The following UNC80 variants were observed in gnomAD, a reference collection of about 807,000 sequenced individuals.
The protein encoded by UNC80 is protein unc-80 homolog.
Under a neutral mutation model 384.6 loss-of-function variants are expected in UNC80, and 164 were observed. That is an observed-to-expected ratio of 0.43 (90% CI 0.38 to 0.49). The LOEUF is 0.49. Among genes scored for constraint, UNC80 ranks in the 20% least tolerant of loss-of-function variants. The probability of loss-of-function intolerance (pLI) is 0.00; values close to 1 mark genes in which losing one functional copy is unlikely to be tolerated. For missense variants in UNC80, 3,330 were observed against 4,143.0 expected (o/e 0.80, Z 5.39); for synonymous variants, 1,486 against 1,527.8 (o/e 0.97, Z 0.64).
chr2:209,862,534 G>A (rs1438797376), intron 22 of UNC80, among the ~76,000 whole-genome samples: 3 of 151,892 alleles, frequency 2.0e-5, no homozygotes, highest in Non-Finnish European at 4.4e-5. Flanking sequence ...ATTTAGGATA[G>A]TTAGCTCTTC....
intron 27 of UNC80, among the ~76,000 whole-genome samples, chr2:209,894,905 C>T (rs2086663818): frequency 6.6e-6 from 1 of 152,110 alleles, no homozygotes; most frequent in Non-Finnish European, 1.5e-5. Flanking sequence ...ATTGTCTAGA[C>T]CTGACAATGA....
At chr2:209,840,114 T>C (rs2081627322) in intron 19 of UNC80, among the ~76,000 whole-genome samples, 1 of 152,178 alleles carries the variant, frequency 6.6e-6, no homozygotes, top group Non-Finnish European at 1.5e-5. Flanking sequence ...AAAACTTCAC[T>C]GCATGGAAAT....
chr2:209,852,379 A>G (rs1252658082), intron 22 of UNC80, among the ~76,000 whole-genome samples: 3 of 152,100 alleles, frequency 2.0e-5, no homozygotes, highest in Admixed American at 2.0e-4. Context: ...TAAAAGGCAT[A>G]GGTGATGATG....
chr2:209,844,803 A>G (rs761814843), intron 21 of UNC80, among the ~76,000 whole-genome samples: 1 of 151,504 alleles, frequency 6.6e-6, no homozygotes, highest in Admixed American at 6.6e-5. Context: ...GGATCTTGCT[A>G]TGTTGCCCAG....
At position 209,917,898 on chromosome 2, in the gene UNC80, C is replaced by CT; in HGVS notation, c.5152dup (p.Trp1718LeufsTer20). ...ACGCTGTCCTCAAGTTCCACACGCTCTGGAGGTTTCGCTATCAGGTCTGGC... is the reference window on the plus strand; with the variant it reads ...ACGCTGTCCTCAAGTTCCACACGCTCTTGGAGGTTTCGCTATCAGGTCTGGC... On this transcript the variant is annotated frameshift_variant, in exon 32 of 65. Coordinates refer to ENST00000673920, the MANE Select transcript of UNC80 (RefSeq NM_001371986.1). LOFTEE classifies it high-confidence loss of function. The CT allele has an allele frequency of 6.4e-7, 1 of 1,551,760 alleles. No homozygotes were observed. The highest frequency in any genetic ancestry group is 1.7e-4 in the Middle Eastern group (1 of 5,994).
At chr2:209,927,094 G>A (rs1229641892) in intron 36 of UNC80, 108 bp downstream of exon 36, 2 of 1,170,108 alleles carry the variant, frequency 1.7e-6, no homozygotes, top group African/African-American at 1.5e-5. Flanking sequence ...ATGTTGAACT[G>A]TTTTATGCAC....
intron 51 of UNC80, 134 bp downstream of exon 51, chr2:209,959,841 G>T: frequency 1.2e-6 from 1 of 801,210 alleles, no homozygotes; most frequent in Admixed American, 2.8e-5. Context: ...CGGTGACTTA[G>T]GTACACATCA....
intron 25 of UNC80, 97 bp from the exon 26 acceptor site, chr2:209,887,998 C>A: frequency 8.7e-7 from 1 of 1,151,940 alleles, no homozygotes; most frequent in Non-Finnish European, 1.2e-6. Flanking sequence ...TGTTTAAACG[C>A]AGTTGTGTAT....
chr2:209,976,396 A>G lies in UNC80; in HGVS notation c.8772+93A>G. The G allele has an allele frequency of 2.0e-6, 3 of 1,497,034 alleles. No individual in the cohort carries two copies. The highest frequency in any genetic ancestry group is 2.7e-6 in the Non-Finnish European group (3 of 1,105,108). 92.7% of individuals were successfully genotyped at this position (1,497,034 alleles called of 1,614,324 possible). A position where few individuals can be genotyped will look rare whatever the true frequency, so the allele number is the denominator to read the frequency against. On this transcript the variant is annotated intron_variant, in intron 57 of 64. Transcript: ENST00000673920. This position sits in a 1 kb window ranked among gnomAD's most constrained non-coding sequence, Gnocchi z 4.3. ...GGAATATGGCAGGAGTGCTCATGGT[A>G]CCTACTGTTGCCAGTTAGTAGGGCC... is the stretch of plus-strand genomic sequence containing the variant.
intron 56 of UNC80, among the ~76,000 whole-genome samples, chr2:209,973,972 T>TATCCTATGC (rs2092946392): frequency 6.6e-6 from 1 of 152,170 alleles, no homozygotes; most frequent in Non-Finnish European, 1.5e-5. Flanking sequence ...TATGCTGCCT[T>TATCCTATGC]TAACCTGGTC....
At chr2:209,888,951 T>A (rs2086084109) in intron 26 of UNC80, among the ~76,000 whole-genome samples, 1 of 152,168 alleles carries the variant, frequency 6.6e-6, no homozygotes, top group African/African-American at 2.4e-5. Context: ...GTAAATAGAA[T>A]CTCGTTTTAA....
chr2:209,900,274 T>G (rs1042143359), intron 28 of UNC80, among the ~76,000 whole-genome samples: 2 of 152,208 alleles, frequency 1.3e-5, no homozygotes, highest in African/African-American at 4.8e-5. Flanking sequence ...TGAGCAAGTC[T>G]GTTGGTGCTG....
chr2:209,929,092 A>G (rs2090650931), intron 36 of UNC80, among the ~76,000 whole-genome samples: 1 of 152,230 alleles, frequency 6.6e-6, no homozygotes, highest in Non-Finnish European at 1.5e-5. Flanking sequence ...CTTTAACTTT[A>G]ACTGTATGGC....
In UNC80 at chr2:209,818,991, A is replaced by G; in HGVS notation, c.1694-2A>G. The G allele has an allele frequency of 6.4e-7, 1 of 1,550,650 alleles. No homozygotes were observed. The highest frequency in any genetic ancestry group is 8.7e-7 in the Non-Finnish European group (1 of 1,146,230). On this transcript the variant is annotated splice_acceptor_variant, in intron 11 of 64. Coordinates refer to ENST00000673920, the MANE Select transcript of UNC80 (RefSeq NM_001371986.1). LOFTEE classifies it high-confidence loss of function. ...ACTAAGACATTGCTTTCATTTTATT[A>G]GTGCGATCTCAGATCTCCACCATCA...
At chr2:209,841,360 T>C (rs974904973) in intron 20 of UNC80, among the ~76,000 whole-genome samples, 1 of 152,150 alleles carries the variant, frequency 6.6e-6, no homozygotes. Context: ...TTGTTGTTTT[T>C]GTTTTGTTTT....
At chr2:209,904,450 G>A (rs531603804) in intron 28 of UNC80, among the ~76,000 whole-genome samples, 1 of 152,298 alleles carries the variant, frequency 6.6e-6, no homozygotes, top group Non-Finnish European at 1.5e-5. Flanking sequence ...AAAAAATTTA[G>A]TTTTAAGTTC....
chr2:209,835,145 A>T (rs2081255327), intron 18 of UNC80, 135 bp downstream of exon 18: 1 of 641,860 alleles, frequency 1.6e-6, no homozygotes, highest in South Asian at 1.7e-5. Flanking sequence ...TTTACATTTC[A>T]TTCCCAATGC....
In UNC80 at chr2:209,993,367, G is replaced by A. The variant is rs557777623; in HGVS notation, c.9449G>A (p.Arg3150His). The change falls in exon 63 of 65, where the codon CGC becomes CAC. Residue 3150 changes from arginine (R) to histidine (H), a missense_variant. Physicochemically the swap from Arg to His is conservative, Grantham distance 29. Transcript: ENST00000673920. ...AAAACTCAGACTGAACCCAGAAATC[G>A]CCAAGGGGCTCGGCTGTCAACCACT... Reference protein sequence around the residue: ...RQKTQTEPRNRQGARLSTTRR... With the variant: ...RQKTQTEPRNHQGARLSTTRR... The A allele has an allele frequency of 1.5e-4, 225 of 1,551,678 alleles. 2 individuals are homozygous for A. The South Asian group carries it at 1.9e-3, about 13-fold the overall frequency.
At chr2:209,883,426 C>CTTTTTTTTT (rs35807077) in intron 25 of UNC80, among the ~76,000 whole-genome samples, 1 of 100,550 alleles carries the variant, frequency 9.9e-6, no homozygotes, top group Non-Finnish European at 2.0e-5. Context: ...CCATTCCACT[C>CTTTTTTTTT]TTTTTTTTTT....
Sources: gnomAD v4.1 joint callset for allele counts (sites outside exome capture counted in the v4.1 genomes callset) on GRCh38, gnomAD v4.1.1 for gene constraint, Gnocchi (gnomAD v3.1) non-coding constraint, MANE v1.5 for transcripts, NCBI Gene and HGNC (gene_info 2026-07-23, HGNC 2026-07-21) for gene names.